SIRPB2: variants seen among roughly 807,000 people sequenced by gnomAD.
SIRPB2 encodes the protein signal-regulatory protein beta-2.
Under a neutral mutation model 27.1 loss-of-function variants are expected in SIRPB2, and 18 were observed. That is an observed-to-expected ratio of 0.66 (90% CI 0.46 to 0.98). The LOEUF (loss-of-function observed/expected upper bound fraction) is 0.98, where lower values mean the gene tolerates loss of function less well. Among genes scored for constraint, SIRPB2 ranks in the 50% least tolerant of loss-of-function variants. SIRPB2 has a pLI of 0.00. For synonymous variants in SIRPB2, 150 were observed against 164.6 expected, an observed-to-expected ratio of 0.91 and a Z score of 0.68; for missense variants, 420 against 417.4, an observed-to-expected ratio of 1.01 and a Z score of -0.06.
Position 1,476,000 on chromosome 20 carries a change from G to C in SIRPB2, c.*167C>G. The C allele has an allele frequency of 5.8e-6, 4 of 691,806 alleles. No individual in the cohort carries two copies. Among genetic ancestry groups the C allele is most frequent in the Non-Finnish European group, 7.1e-6 (3 of 423,868 alleles). 42.9% of individuals were successfully genotyped at this position (691,806 alleles called of 1,614,324 possible). On this transcript the variant is annotated 3_prime_UTR_variant, in exon 5 of 5. Coordinates refer to ENST00000359801, the MANE Select transcript of SIRPB2 (RefSeq NM_001122962.2). ...AGGGAGACATTTTAGAGGGAAGCCC[G>C]GTGCAAAGAAGGGAATTTCACTAGG...
At position 1,478,550 on chromosome 20, in the gene SIRPB2, C is replaced by T. The variant is rs2090633935; in HGVS notation, c.509G>A (p.Gly170Glu). The change falls in exon 3 of 5, where the codon GGG becomes GAG. Residue 170 changes from glycine (G) to glutamate (E), a missense_variant. By Grantham distance (98) the Gly-to-Glu change is moderately conservative. Coordinates refer to ENST00000359801, the MANE Select transcript of SIRPB2 (RefSeq NM_001122962.2). ...WIIQPQELVLGTTGDTVFLNC... is the reference protein window; with the variant it reads ...WIIQPQELVLETTGDTVFLNC... Reference sequence around the variant, plus strand: ...CAGAAAGACAGTGTCTCCAGTGGTCCCCAACACCAATTCCTGGGGCTGGAT... The same window carrying T: ...CAGAAAGACAGTGTCTCCAGTGGTCTCCAACACCAATTCCTGGGGCTGGAT... 2 of 1,609,702 alleles carry T rather than the reference C, an allele frequency of 1.2e-6. No individual in the cohort carries two copies. The highest frequency in any genetic ancestry group is 8.5e-7 in the Non-Finnish European group (1 of 1,176,968).
At chr20:1,484,844 T>C (rs1344901429) in intron 1 of SIRPB2, among the ~76,000 whole-genome samples, 1 of 152,074 alleles carries the variant, frequency 6.6e-6, no homozygotes, top group Non-Finnish European at 1.5e-5. Flanking sequence ...AAACTAAAAA[T>C]AGAAATGCCA....
chr20:1,488,587 G>A (rs2090749288), intron 1 of SIRPB2, among the ~76,000 whole-genome samples: 1 of 152,010 alleles, frequency 6.6e-6, no homozygotes, highest in Non-Finnish European at 1.5e-5. Flanking sequence ...GATGGAGGTT[G>A]CAGTGAGCTG....
At chr20:1,485,490 C>T (rs141535091) in intron 1 of SIRPB2, among the ~76,000 whole-genome samples, 85 of 151,998 alleles carry the variant, frequency 5.6e-4, no homozygotes, top group African/African-American at 1.9e-3. Context: ...GTATTAAATG[C>T]CTATATTTGG....
At chr20:1,480,320 G>A in intron 1 of SIRPB2, 1 of 454,066 alleles carries the variant, frequency 2.2e-6, no homozygotes, top group Non-Finnish European at 3.9e-6. Flanking sequence ...CGTGCATGAT[G>A]TCACTTATTC....
rs2090654695 is a variant in SIRPB2 at position 1,480,036 on chromosome 20, A to G, written c.115T>C (p.Trp39Arg). 2 of 1,613,284 alleles carry G rather than the reference A, an allele frequency of 1.2e-6. No individual in the cohort carries two copies. Among genetic ancestry groups the G allele is most frequent in the African/African-American group, 2.7e-5 (2 of 74,922 alleles). Residue 39 changes from tryptophan (W) to arginine (R), a missense_variant, in exon 2 of 5, where the codon TGG (tryptophan) becomes CGG (arginine). Trp to Arg is a moderately radical substitution (Grantham distance 101). Coordinates refer to ENST00000359801, the MANE Select transcript of SIRPB2 (RefSeq NM_001122962.2). ...GGGCCCTCGGGCTGTAGCACCTGCC[A>G]GTCATTCCTGCTGCTCTGCCCAGAG... ...DASGQSSRND[W>R]QVLQPEGPML...
intron 4 of SIRPB2, chr20:1,476,929 C>A (rs897615197): frequency 5.9e-6 from 7 of 1,181,006 alleles, no homozygotes; most frequent in Non-Finnish European, 7.4e-6. Flanking sequence ...CCCCTCCCCG[C>A]TAGTTCATAG....
Position 1,478,259 on chromosome 20 carries a change from G to A in SIRPB2, c.793+7C>T. 6.2e-7 allele frequency: 1 copy of A among 1,608,306 alleles called. No individual in the cohort carries two copies. The highest frequency in any genetic ancestry group is 8.5e-7 in the Non-Finnish European group (1 of 1,175,668). ...TCTCCCGACAAGTCCAAAACCAATTGTCTCACCTTTCACTTTCAGGCTGGT... is the reference window on the plus strand; with the variant it reads ...TCTCCCGACAAGTCCAAAACCAATTATCTCACCTTTCACTTTCAGGCTGGT... On this transcript the variant is annotated splice_region_variant and intron_variant, in intron 3 of 4. Coordinates refer to ENST00000359801, the MANE Select transcript of SIRPB2 (RefSeq NM_001122962.2).
chr20:1,477,190 G>A, intron 4 of SIRPB2, 148 bp downstream of exon 4: 1 of 1,605,586 alleles, frequency 6.2e-7, no homozygotes, highest in Middle Eastern at 1.7e-4. Flanking sequence ...TGGGGTCCTA[G>A]TTCTGCAGTT....
chr20:1,483,665 T>C (rs141009539), intron 1 of SIRPB2, among the ~76,000 whole-genome samples: 1 of 152,354 alleles, frequency 6.6e-6, no homozygotes, highest in Non-Finnish European at 1.5e-5. Flanking sequence ...ATTAGTCCCT[T>C]GTCAAATGGG....
intron 3 of SIRPB2, 61 bp from the exon 4 acceptor site, chr20:1,477,464 G>C: frequency 6.4e-7 from 1 of 1,554,698 alleles, no homozygotes; most frequent in Non-Finnish European, 8.7e-7. Flanking sequence ...CACTTCCTAA[G>C]TCCCAGGAGC....
Position 1,474,672 on chromosome 20 carries a change from A to C in SIRPB2, c.*1495T>G, listed in dbSNP as rs759238343. The C allele has an allele frequency of 6.6e-6, 1 of 152,028 alleles. No homozygotes were observed. The highest frequency in any genetic ancestry group is 2.4e-5 in the African/African-American group (1 of 41,320). The allele number at this position is 152,028 out of a possible 1,614,324, so 9.4% of individuals were successfully genotyped here. On this transcript the variant is annotated 3_prime_UTR_variant, in exon 5 of 5. Coordinates refer to ENST00000359801, the MANE Select transcript of SIRPB2 (RefSeq NM_001122962.2). ...CACTGCAGCCTCTGCCTCCCAGTTC[A>C]AGCGGTTCTCCTGCCCCATCCTCCC... is the stretch of plus-strand genomic sequence containing the variant.
chr20:1,478,232 G>A (rs1014200061), intron 3 of SIRPB2, 34 bp downstream of exon 3: 22 of 1,589,058 alleles, frequency 1.4e-5, no homozygotes, highest in Middle Eastern at 1.7e-4. Context: ...TACCTGCTCC[G>A]CTCTCCCGAC....
At chr20:1,486,133 C>T (rs1447316906) in intron 1 of SIRPB2, among the ~76,000 whole-genome samples, 13 of 149,752 alleles carry the variant, frequency 8.7e-5, no homozygotes, top group African/African-American at 1.5e-4. Context: ...AATATGGTGG[C>T]GTGATCTCAG....
Position 1,475,076 on chromosome 20 carries a change from C to T in SIRPB2, c.*1091G>A, listed in dbSNP as rs2090595953. ...CAGTCCACTAGATGGTGGTAGCACC[C>T]CCCCAGGTTGTGCCAACCAAAAACA... On this transcript the variant is annotated 3_prime_UTR_variant, in exon 5 of 5. Transcript: ENST00000359801. 6.6e-6 allele frequency: 1 copy of T among 152,194 alleles called. No homozygotes were observed. Among genetic ancestry groups the T allele is most frequent in the Admixed American group, 6.5e-5 (1 of 15,276 alleles). The allele number at this position is 152,194 out of a possible 1,614,324, so 9.4% of individuals were successfully genotyped here. A position where few individuals can be genotyped will look rare whatever the true frequency, so the allele number is the denominator to read the frequency against.
At position 1,475,429 on chromosome 20, in the gene SIRPB2, G is replaced by T. The variant is rs1295291545; in HGVS notation, c.*738C>A. Reference sequence around the variant, plus strand: ...TGTGACCACATTCCAGCCAAGTAGAGATAAGTGAGGTGGCCAAGTTCCTGA... The same window carrying T: ...TGTGACCACATTCCAGCCAAGTAGATATAAGTGAGGTGGCCAAGTTCCTGA... On this transcript the variant is annotated 3_prime_UTR_variant, in exon 5 of 5. Transcript: ENST00000359801. 6.6e-6 allele frequency: 1 copy of T among 152,244 alleles called. No homozygotes were observed. Among genetic ancestry groups the T allele is most frequent in the East Asian group, 1.9e-4 (1 of 5,198 alleles). 9.4% of individuals were successfully genotyped at this position (152,244 alleles called of 1,614,324 possible).
In SIRPB2 at chr20:1,476,766, C is replaced by T. The variant is rs537287727; in HGVS notation, c.860-430G>A. 5.7e-6 allele frequency: 6 copies of T among 1,044,376 alleles called. No individual in the cohort carries two copies. In the South Asian group the frequency reaches 1.3e-4, roughly 23 times the overall value. 64.7% of individuals were successfully genotyped at this position (1,044,376 alleles called of 1,614,324 possible). On this transcript the variant is annotated intron_variant, in intron 4 of 4. Transcript: ENST00000359801. ...GGAGCAGGGCCGAGCATCAGGAAGGCAAATCTGACCACATCTATCACAAGC... is the reference window on the plus strand; with the variant it reads ...GGAGCAGGGCCGAGCATCAGGAAGGTAAATCTGACCACATCTATCACAAGC...
At chr20:1,474,020 A>G (rs1487418856), downstream of SIRPB2, 1 of 392,812 alleles carries the variant, frequency 2.5e-6, no homozygotes, top group Non-Finnish European at 5.1e-6. Context: ...GGCTGCTGGC[A>G]TTCCTTAACC....
At chr20:1,478,632 T>C (rs1485257030) in intron 2 of SIRPB2, 25 bp from the exon 3 acceptor site, 2 of 1,513,962 alleles carry the variant, frequency 1.3e-6, no homozygotes, top group Non-Finnish European at 1.8e-6. Flanking sequence ...GAGGTCCTTG[T>C]TGAATTCCCT....
Sources: gnomAD v4.1 joint callset for allele counts (sites outside exome capture counted in the v4.1 genomes callset) on GRCh38, gnomAD v4.1.1 for gene constraint, MANE v1.5 for transcripts, NCBI Gene and HGNC (gene_info 2026-07-23, HGNC 2026-07-21) for gene names.